Variants in ACO1 observed in about 807,000 individuals in gnomAD.
ACO1 encodes aconitase 1, also known as cytoplasmic aconitate hydratase.
In ACO1, 78 loss-of-function variants were observed where a neutral mutation model predicts 105.1. That is an observed-to-expected ratio of 0.74 (90% CI 0.62 to 0.90). The LOEUF (loss-of-function observed/expected upper bound fraction) is 0.90. Among genes scored for constraint, ACO1 ranks in the 40% least tolerant of loss-of-function variants. The pLI, the probability that ACO1 is intolerant of heterozygous loss-of-function variation, is 0.00. For missense variants in ACO1, 965 were observed against 1,111.1 expected (o/e 0.87, Z 1.87); for synonymous variants, 364 against 397.4 (o/e 0.92, Z 1.00).
At chr9:32,390,141 G>C (rs931396958) in intron 1 of ACO1, among the ~76,000 whole-genome samples, 4 of 152,084 alleles carry the variant, frequency 2.6e-5, no homozygotes, top group Admixed American at 2.0e-4. Context: ...TTTCTTTCTG[G>C]CAAGAGTTGG....
At chr9:32,417,441 T>G (rs932511670) in intron 4 of ACO1, among the ~76,000 whole-genome samples, 5 of 152,204 alleles carry the variant, frequency 3.3e-5, no homozygotes, top group African/African-American at 1.2e-4. Flanking sequence ...GTGCTGAATC[T>G]GCGATCTTGT....
At chr9:32,445,137 C>T (rs185975018) in intron 19 of ACO1, among the ~76,000 whole-genome samples, 1,811 of 152,084 alleles carry the variant, frequency 0.012, 28 homozygotes, top group African/African-American at 0.039. Flanking sequence ...AAAATGAGTT[C>T]GGGAGGATTC....
Position 32,424,540 on chromosome 9 carries a change from G to C in ACO1, c.1072-9G>C, listed in dbSNP as rs1436884731. 2 of 1,582,980 alleles carry C rather than the reference G, an allele frequency of 1.3e-6. No individual in the cohort carries two copies. The highest frequency in any genetic ancestry group is 2.2e-5 in the East Asian group (1 of 44,496). The stretch of plus-strand genomic sequence containing the variant: ...AAATTCTATAATTTCTTTTCTTTGG[G>C]GTCAACAGGTTGTGGAATTAGATTT... On this transcript the variant is annotated splice_polypyrimidine_tract_variant and intron_variant, in intron 9 of 20. Coordinates refer to ENST00000309951, the MANE Select transcript of ACO1 (RefSeq NM_002197.3).
chr9:32,396,009 A>G (rs372876899), intron 1 of ACO1, among the ~76,000 whole-genome samples: 80 of 152,322 alleles, frequency 5.3e-4, no homozygotes, highest in African/African-American at 1.9e-3. Context: ...AGGCATTGCT[A>G]TAGCGTGGCC....
At position 32,419,026 on chromosome 9, in the gene ACO1, C is replaced by T. The variant is rs748392728; in HGVS notation, c.659-12C>T. 8 of 1,577,686 alleles carry T rather than the reference C, an allele frequency of 5.1e-6. No homozygotes were observed. The highest frequency in any genetic ancestry group is 4.6e-5 in the South Asian group (4 of 86,258). On this transcript the variant is annotated splice_polypyrimidine_tract_variant and intron_variant, in intron 6 of 20. Transcript: ENST00000309951. ...AATGAAGGCATTCTTCCGGTCATGCCGTTCATTGCAGGTGTCGGTGGTATT... is the reference window on the plus strand; with the variant it reads ...AATGAAGGCATTCTTCCGGTCATGCTGTTCATTGCAGGTGTCGGTGGTATT...
chr9:32,403,933 T>G lies in ACO1; in HGVS notation c.-22-1552T>G, dbSNP rs372395468. Among the ~76,000 whole-genome samples, 21 of 152,274 alleles carry G rather than the reference T, an allele frequency of 1.4e-4. No individual in the cohort carries two copies. In the East Asian group the frequency reaches 3.9e-3, roughly 28 times the overall value. The stretch of plus-strand genomic sequence containing the variant: ...GTAAGTCTGGGGAGTATAGCATGGG[T>G]GACAAATGAAAGGGAGAGTAGCACT... On this transcript the variant is annotated intron_variant, in intron 1 of 20. Coordinates refer to ENST00000309951, the MANE Select transcript of ACO1 (RefSeq NM_002197.3).
chr9:32,436,393 A>C lies in ACO1; in HGVS notation c.2243A>C (p.Glu748Ala). 1 of 1,613,964 alleles carries C rather than the reference A, an allele frequency of 6.2e-7. No homozygotes were observed. Among genetic ancestry groups the C allele is most frequent in the Non-Finnish European group, 8.5e-7 (1 of 1,179,908 alleles). ...APQTIHLPSG[E>A]ILDVFDAAER... ...CAGACTATCCATCTGCCTTCTGGGG[A>C]AATCGTGAGTATTGTCTTCTGCTTC... The change falls in exon 18 of 21, where the codon GAA becomes GCA. Residue 748 changes from glutamate (E) to alanine (A), a missense_variant. Transcript: ENST00000309951.
At chr9:32,427,869 AAAAC>A (rs1435235227) in intron 12 of ACO1, among the ~76,000 whole-genome samples, 1 of 152,258 alleles carries the variant, frequency 6.6e-6, no homozygotes, top group Non-Finnish European at 1.5e-5. Flanking sequence ...CACTTAGCTT[AAAAC>A]AAACATATTG....
chr9:32,443,069 G>GT (rs560212062), intron 19 of ACO1, among the ~76,000 whole-genome samples: 25 of 151,952 alleles, frequency 1.6e-4, no homozygotes, highest in South Asian at 6.2e-4. Flanking sequence ...GTTTATTTTT[G>GT]TTTTTTTAAC....
intron 12 of ACO1, among the ~76,000 whole-genome samples, chr9:32,428,516 CAA>C (rs921668107): frequency 2.0e-5 from 3 of 150,812 alleles, no homozygotes. Flanking sequence ...TTTTAATAAA[CAA>C]AAAGAGTACA....
rs183113769 is a variant in ACO1, at chr9:32,440,539, C to T, written c.2322C>T (p.Tyr774=). The T allele has an allele frequency of 7.8e-5, 126 of 1,613,816 alleles. No individual in the cohort carries two copies. The Admixed American group carries it at 9.3e-4, about 12-fold the overall frequency. The change falls in exon 19 of 21, where the codon TAC becomes TAT. Residue 774 remains tyrosine, a synonymous_variant. Transcript: ENST00000309951. ...TGATCGTTCTGGCTGGCAAAGAGTA[C>T]GGTGCAGGCAGCTCCCGAGACTGGG... is the stretch of plus-strand genomic sequence containing the variant. ...LPLIVLAGKE[Y]GAGSSRDWAA...
intron 4 of ACO1, among the ~76,000 whole-genome samples, chr9:32,412,900 G>C (rs1821770264): frequency 6.6e-6 from 1 of 152,094 alleles, no homozygotes; most frequent in African/African-American, 2.4e-5. Flanking sequence ...TTGCCTAGAA[G>C]GTGAAAGTAC....
intron 1 of ACO1, among the ~76,000 whole-genome samples, chr9:32,394,806 G>C (rs1821338360): frequency 6.6e-6 from 1 of 152,166 alleles, no homozygotes; most frequent in Admixed American, 6.5e-5. Context: ...AAATATATGG[G>C]TTTGCATATT....
intron 1 of ACO1, among the ~76,000 whole-genome samples, chr9:32,392,262 G>A (rs1821282065): frequency 6.6e-6 from 1 of 152,148 alleles, no homozygotes; most frequent in Non-Finnish European, 1.5e-5. Context: ...GACATCAGGA[G>A]CCTGAGTTTG....
intron 19 of ACO1, 26 bp from the exon 20 acceptor site, chr9:32,448,870 T>TCTAAA (rs1822685379): frequency 1.2e-6 from 2 of 1,613,846 alleles, no homozygotes; most frequent in Non-Finnish European, 1.7e-6. Flanking sequence ...TGGAAGTATG[T>TCTAAA]CTAAACTACT....
chr9:32,430,138 T>C (rs757040444), intron 13 of ACO1, among the ~76,000 whole-genome samples: 2 of 152,226 alleles, frequency 1.3e-5, no homozygotes, highest in Non-Finnish European at 2.9e-5. Flanking sequence ...TCCCACCTGT[T>C]CTTGGGCCCC....
At chr9:32,384,881 G>C in intron 1 of ACO1, 146 bp downstream of exon 1, 1 of 243,570 alleles carries the variant, frequency 4.1e-6, no homozygotes, top group Non-Finnish European at 8.6e-6. Flanking sequence ...GAGGCTGAGA[G>C]GAGAATCGGG....
At chr9:32,429,737 G>T (rs186637804) in intron 13 of ACO1, among the ~76,000 whole-genome samples, 1 of 152,308 alleles carries the variant, frequency 6.6e-6, no homozygotes, top group East Asian at 1.9e-4. Flanking sequence ...CTATTTTATA[G>T]AGTTGTGAGA....
rs776053905 is a variant in ACO1 at position 32,418,350 on chromosome 9, A to G, written c.497A>G (p.Asn166Ser). ...FLKWGSQAFH[N>S]MRIIPPGSGI... ...CAGTGGGGTTCCCAGGCTTTTCACA[A>G]CATGCGGATTATTCCCCCTGGCTCA... The change falls in exon 6 of 21, where the codon AAC becomes AGC. Residue 166 changes from asparagine (N) to serine (S), a missense_variant. Asn to Ser is a conservative substitution (Grantham distance 46). Transcript: ENST00000309951. The G allele has an allele frequency of 1.9e-6, 3 of 1,614,152 alleles. No homozygotes were observed. The highest frequency in any genetic ancestry group is 2.2e-5 in the South Asian group (2 of 91,070).
Sources: gnomAD v4.1 joint callset for allele counts (sites outside exome capture counted in the v4.1 genomes callset) on GRCh38, gnomAD v4.1.1 for gene constraint, MANE v1.5 for transcripts, NCBI Gene and HGNC (gene_info 2026-07-23, HGNC 2026-07-21) for gene names.